Variants in HMOX2 observed in about 807,000 individuals in gnomAD.
HMOX2 encodes heme oxygenase (decycling) 2.
HMOX2 carries 30 observed loss-of-function variants against 33.7 expected under a neutral mutation model. The ratio of observed to expected loss-of-function variants is 0.89; its 90% CI spans 0.67 to 1.21. The LOEUF is 1.21. Among genes scored for constraint, HMOX2 ranks in the 50% most tolerant of loss-of-function variants. The pLI is 0.00. For missense variants in HMOX2, 403 were observed against 399.1 expected (o/e 1.01, Z -0.08); for synonymous variants, 155 against 155.0 (o/e 1.00, Z 0.00).
At chr16:4,498,198 G>C (rs1256404682) in intron 1 of HMOX2, among the ~76,000 whole-genome samples, 1 of 148,884 alleles carries the variant, frequency 6.7e-6, no homozygotes, top group Non-Finnish European at 1.5e-5. Flanking sequence ...CCAAGTATTT[G>C]GGATTAGAGT....
At chr16:4,493,381 A>G (rs1185794372) in intron 1 of HMOX2, among the ~76,000 whole-genome samples, 2 of 152,200 alleles carry the variant, frequency 1.3e-5, no homozygotes, top group Non-Finnish European at 2.9e-5. Context: ...CAAGTGACAT[A>G]TTCTTTAGTT....
intron 1 of HMOX2, among the ~76,000 whole-genome samples, chr16:4,486,861 G>A (rs1007818798): frequency 2.0e-5 from 3 of 152,290 alleles, no homozygotes; most frequent in East Asian, 3.9e-4. Context: ...ATGAGGAGCT[G>A]AGCTCAGTCC....
rs747787353 is a variant in HMOX2 at position 4,505,553 on chromosome 16, G to A, written c.29G>A (p.Gly10Glu). The change falls in exon 2 of 6, where the codon GGG becomes GAG. Residue 10 changes from glycine (G) to glutamate (E), a missense_variant. Physicochemically the swap from Gly to Glu is moderately conservative, Grantham distance 98 (BLOSUM62 -2). Transcript: ENST00000570646. ...TCAGCGGAAGTGGAAACCTCAGAGG[G>A]GGTAGACGAGTCAGAAAAAAAGAAC... MSAEVETSE[G>E]VDESEKKNSG... The A allele has an allele frequency of 3.2e-5, 52 of 1,607,276 alleles. No homozygotes were observed. The African/African-American group carries it at 6.3e-4, about 19-fold the overall frequency.
chr16:4,507,146 G>A (rs943764806), intron 3 of HMOX2, 134 bp downstream of exon 3: 19 of 692,046 alleles, frequency 2.7e-5, no homozygotes, highest in Non-Finnish European at 4.2e-5. Context: ...CCTTCTTGAC[G>A]TTAAGCTCTG....
intron 1 of HMOX2, among the ~76,000 whole-genome samples, chr16:4,485,880 C>T (rs940500783): frequency 3.9e-4 from 59 of 152,174 alleles, no homozygotes; most frequent in African/African-American, 1.3e-3. Context: ...CCTGCCACCA[C>T]GCCCGGCTAA....
intron 1 of HMOX2, chr16:4,476,701 G>C (rs1567374489): frequency 6.6e-6 from 1 of 152,412 alleles, no homozygotes; most frequent in African/African-American, 2.4e-5. Flanking sequence ...AGGGCGTGGA[G>C]GGGCTGTCAG....
upstream of HMOX2, chr16:4,474,848 G>C (rs1422610637): frequency 3.3e-5 from 5 of 152,242 alleles, no homozygotes; most frequent in African/African-American, 1.2e-4. Context: ...TAATTTTCAG[G>C]TATTGGGCGT....
intron 1 of HMOX2, chr16:4,496,170 G>A: frequency 6.8e-6 from 1 of 147,626 alleles, no homozygotes; most frequent in Non-Finnish European, 1.5e-5. Flanking sequence ...TGTTGCCCAG[G>A]CTGGAGTGCA....
chr16:4,500,816 G>A (rs2058540259), intron 1 of HMOX2, among the ~76,000 whole-genome samples: 1 of 152,082 alleles, frequency 6.6e-6, no homozygotes, highest in Admixed American at 6.6e-5. Context: ...CTGCTGAGCT[G>A]GTCTAAAGGA....
intron 1 of HMOX2, among the ~76,000 whole-genome samples, chr16:4,493,252 C>T (rs1481546333): frequency 5.3e-5 from 8 of 152,120 alleles, no homozygotes; most frequent in Admixed American, 5.2e-4. Flanking sequence ...GATGGGGTCT[C>T]CCTGTGTTGC....
At position 4,505,617 on chromosome 16, in the gene HMOX2, G is replaced by C. The variant is rs369555626; in HGVS notation, c.86+7G>C. On this transcript the variant is annotated splice_region_variant and intron_variant, in intron 2 of 5. Transcript: ENST00000570646. Reference sequence around the variant, plus strand: ...AAAAGGAGAACCAAATGAGGTGAGCGATGGGGGCTGGCTGCACTGAATCAG... The same window carrying C: ...AAAAGGAGAACCAAATGAGGTGAGCCATGGGGGCTGGCTGCACTGAATCAG... The C allele has an allele frequency of 1.5e-5, 23 of 1,574,760 alleles. No individual in the cohort carries two copies. In the African/African-American group the frequency reaches 3.1e-4, roughly 21 times the overall value.
intron 1 of HMOX2, chr16:4,479,660 A>C (rs2057962045): frequency 6.6e-6 from 1 of 151,948 alleles, no homozygotes; most frequent in South Asian, 2.1e-4. Context: ...TAACTTTAAA[A>C]AGGCTGTGGG....
intron 1 of HMOX2, among the ~76,000 whole-genome samples, chr16:4,477,625 A>G (rs2057900673): frequency 6.6e-6 from 1 of 151,326 alleles, no homozygotes; most frequent in Non-Finnish European, 1.5e-5. Flanking sequence ...GTGTGATTGA[A>G]GAAAGAAACG....
At chr16:4,493,470 G>A (rs1363153096) in intron 1 of HMOX2, among the ~76,000 whole-genome samples, 1 of 152,176 alleles carries the variant, frequency 6.6e-6, no homozygotes, top group Non-Finnish European at 1.5e-5. Flanking sequence ...TTGTGGAATT[G>A]TTATCACTGT....
At chr16:4,485,046 A>G (rs1172975889) in intron 1 of HMOX2, among the ~76,000 whole-genome samples, 2 of 151,554 alleles carry the variant, frequency 1.3e-5, no homozygotes, top group African/African-American at 4.9e-5. Context: ...GCTCACTGCA[A>G]CCTCCACCTC....
Position 4,507,898 on chromosome 16 carries a change from T to C in HMOX2, c.390T>C (p.Ala130=). 6.2e-7 allele frequency: 1 copy of C among 1,614,024 alleles called. No individual in the cohort carries two copies. ...AGGAGCAGGTGCAGTGCCCCAAGGC[T>C]GCCCAGAAGTACGTGGAGCGGATCC... The part of the protein sequence containing the change: ...NWEEQVQCPK[A]AQKYVERIHY... Residue 130 remains alanine, a synonymous_variant, in exon 4 of 6, where the codon GCT becomes GCC. Transcript: ENST00000570646.
chr16:4,489,058 A>T (rs1489346896), intron 1 of HMOX2, among the ~76,000 whole-genome samples: 1 of 151,852 alleles, frequency 6.6e-6, no homozygotes, highest in African/African-American at 2.4e-5. Flanking sequence ...ACATTTCTTT[A>T]TATAAGGAGG....
intron 1 of HMOX2, 69 bp downstream of exon 1, chr16:4,476,556 G>A (rs1371475173): frequency 6.6e-6 from 1 of 152,296 alleles, no homozygotes; most frequent in Non-Finnish European, 1.5e-5. Context: ...CGTCCTTCGC[G>A]GGCCCTGCCT....
At chr16:4,509,035 A>T (rs556329946) in intron 4 of HMOX2, among the ~76,000 whole-genome samples, 1 of 151,992 alleles carries the variant, frequency 6.6e-6, no homozygotes, top group South Asian at 2.1e-4. Context: ...GCTCCAGCTC[A>T]CTCTCTCTGG....
Sources: allele counts gnomAD v4.1 joint callset (sites outside exome capture counted in the v4.1 genomes callset), GRCh38; gene constraint gnomAD v4.1.1; transcripts MANE v1.5; gene names NCBI Gene and HGNC (gene_info 2026-07-23, HGNC 2026-07-21).